The following ICA1 variants were observed in gnomAD, a reference collection of about 807,000 sequenced individuals.
ICA1 encodes the protein islet cell autoantigen 1.
ICA1 carries 40 observed loss-of-function variants against 71.0 expected under a neutral mutation model. The ratio of observed to expected loss-of-function variants is 0.56; its 90% CI spans 0.44 to 0.73. The LOEUF is 0.73. Ranked by LOEUF, ICA1 falls within the 30% of genes least tolerant of loss-of-function variation. ICA1 has a pLI of 0.00. For missense variants in ICA1, 578 were observed against 576.5 expected (o/e 1.00, Z -0.03); for synonymous variants, 207 against 209.5 (o/e 0.99, Z 0.10).
intron 6 of ICA1, among the ~76,000 whole-genome samples, chr7:8,194,639 G>A (rs1786797346): frequency 1.3e-5 from 2 of 152,114 alleles, no homozygotes; most frequent in South Asian, 4.1e-4. Context: ...TCTAAAATAC[G>A]GGCAAAGGTT....
At chr7:8,155,068 A>T (rs1801016024) in intron 8 of ICA1, among the ~76,000 whole-genome samples, 1 of 152,232 alleles carries the variant, frequency 6.6e-6, no homozygotes, top group Non-Finnish European at 1.5e-5. Context: ...CATCATTGAA[A>T]GCCTAGATGA....
chr7:8,128,112 T>G lies in ICA1; in HGVS notation c.1091A>C (p.Glu364Ala), dbSNP rs369620396. Residue 364 changes from glutamate (E) to alanine (A), a missense_variant, in exon 13 of 14, where the codon GAA becomes GCA. Coordinates refer to ENST00000402384, the MANE Select transcript of ICA1 (RefSeq NM_001136020.3). Reference protein sequence around the residue: ...ACLGPVAGTPEPEGADKDDLL... With the variant: ...ACLGPVAGTPAPEGADKDDLL... ...GTCATCTTTGTCAGCACCTTCAGGT[T>G]CCGGGGTCCCTGCCACTGGTCCCAG... The G allele has an allele frequency of 2.0e-5, 33 of 1,614,078 alleles. No individual in the cohort carries two copies. Among genetic ancestry groups the G allele is most frequent in the Non-Finnish European group, 2.7e-5 (32 of 1,180,024 alleles).
In ICA1 at chr7:8,124,125, T is replaced by TC. The variant is rs1180901731; in HGVS notation, c.1330+3747_1330+3748insG. 8.3e-5 allele frequency among the ~76,000 whole-genome samples: 12 copies of TC among 144,372 alleles called. No individual in the cohort carries two copies. In the East Asian group the frequency reaches 2.4e-3, roughly 29 times the overall value. The allele number at this position is 144,372 out of a possible 152,430, so 94.7% of individuals were successfully genotyped here. ...TGAATCATACAATTTTTTTTTTTTT[T>TC]TTTTTTTTTTTTTGAGACGGAGTCT... On this transcript the variant is annotated intron_variant, in intron 13 of 13. Coordinates refer to ENST00000402384, the MANE Select transcript of ICA1 (RefSeq NM_001136020.3).
intron 8 of ICA1, among the ~76,000 whole-genome samples, chr7:8,153,368 T>C (rs545433330): frequency 6.6e-6 from 1 of 152,284 alleles, no homozygotes; most frequent in African/African-American, 2.4e-5. Flanking sequence ...TGTCCACTGC[T>C]GCGAGGGGCC....
At chr7:8,182,100 A>G (rs888877027) in intron 6 of ICA1, among the ~76,000 whole-genome samples, 9 of 152,116 alleles carry the variant, frequency 5.9e-5, no homozygotes, top group Admixed American at 2.0e-4. Flanking sequence ...CATATCCTAC[A>G]ACTCTGCCAG....
intron 8 of ICA1, among the ~76,000 whole-genome samples, chr7:8,148,395 C>G (rs1412892462): frequency 6.6e-6 from 1 of 152,006 alleles, no homozygotes; most frequent in Non-Finnish European, 1.5e-5. Flanking sequence ...TAAAGAATTA[C>G]CTTACCTTTT....
At chr7:8,197,978 G>A (rs534827803) in intron 6 of ICA1, among the ~76,000 whole-genome samples, 1 of 152,168 alleles carries the variant, frequency 6.6e-6, no homozygotes, top group Admixed American at 6.6e-5. Flanking sequence ...TTTATCAGAA[G>A]AGTATTCCCT....
intron 6 of ICA1, among the ~76,000 whole-genome samples, chr7:8,179,940 A>G (rs1448465944): frequency 2.0e-5 from 3 of 152,048 alleles, no homozygotes; most frequent in African/African-American, 7.2e-5. Context: ...ACTTTATTCT[A>G]TGCTTTTTTT....
At chr7:8,194,688 A>C (rs1221830971) in intron 6 of ICA1, among the ~76,000 whole-genome samples, 1 of 152,218 alleles carries the variant, frequency 6.6e-6, no homozygotes, top group Non-Finnish European at 1.5e-5. Context: ...ATTTGCTCAC[A>C]AATGTAAGCA....
At chr7:8,152,428 C>A (rs925441300) in intron 8 of ICA1, among the ~76,000 whole-genome samples, 1 of 151,906 alleles carries the variant, frequency 6.6e-6, no homozygotes, top group Non-Finnish European at 1.5e-5. Context: ...TTACTGGAGC[C>A]TTTACCGTGG....
At chr7:8,236,312 T>G (rs1287704400) in intron 1 of ICA1, among the ~76,000 whole-genome samples, 1 of 152,210 alleles carries the variant, frequency 6.6e-6, no homozygotes, top group East Asian at 1.9e-4. Flanking sequence ...TATATGTTGT[T>G]GAGGTATACA....
At chr7:8,143,380 T>C (rs1795855719) in intron 9 of ICA1, among the ~76,000 whole-genome samples, 1 of 152,222 alleles carries the variant, frequency 6.6e-6, no homozygotes, top group Admixed American at 6.5e-5. Flanking sequence ...ACATTCTGCA[T>C]GGTAGAAAAC....
chr7:8,196,988 C>A (rs914466835), intron 6 of ICA1, among the ~76,000 whole-genome samples: 1 of 152,066 alleles, frequency 6.6e-6, no homozygotes, highest in Non-Finnish European at 1.5e-5. Flanking sequence ...GCCTCCCCAG[C>A]CATGTGCAAC....
At chr7:8,156,648 T>C in intron 8 of ICA1, 2 of 546,662 alleles carry the variant, frequency 3.7e-6, no homozygotes, top group Non-Finnish European at 5.9e-6. Flanking sequence ...TGTTGGATAA[T>C]ACTCTCAGAA....
Position 8,175,997 on chromosome 7 carries a change from G to C in ICA1, c.580-17345C>G, listed in dbSNP as rs567838218. On this transcript the variant is annotated intron_variant, in intron 6 of 13. Coordinates refer to ENST00000402384, the MANE Select transcript of ICA1 (RefSeq NM_001136020.3). The stretch of plus-strand genomic sequence containing the variant: ...AAAAAGGAAGTGAACACTTATGGAG[G>C]GCCTCCTGTTTTACAACTGTTTCAT... 5.5e-4 allele frequency among the ~76,000 whole-genome samples: 84 copies of C among 152,244 alleles called. 1 individual carries two copies. In the Middle Eastern group the frequency reaches 0.027, roughly 49 times the overall value.
intron 6 of ICA1, 136 bp downstream of exon 6, chr7:8,218,169 C>T: frequency 1.4e-6 from 1 of 719,836 alleles, no homozygotes; most frequent in Non-Finnish European, 2.4e-6. Flanking sequence ...TATTCTGTCA[C>T]ATAAAAAGAC....
intron 1 of ICA1, among the ~76,000 whole-genome samples, chr7:8,241,279 G>T (rs1803773158): frequency 6.6e-6 from 1 of 152,182 alleles, no homozygotes; most frequent in Non-Finnish European, 1.5e-5. Context: ...TTAAAGAAAA[G>T]AATTTTCAAT....
Position 8,158,603 on chromosome 7 carries a change from A to G in ICA1, c.629T>C (p.Met210Thr), listed in dbSNP as rs781302996. ...LAKKNFDKLKMDVCQKVDLLG... is the reference protein window; with the variant it reads ...LAKKNFDKLKTDVCQKVDLLG... ...AAGATCCACTTTTTGACAAACATCC[A>G]TCTTCAATTTGTCAAAGTTTTTTTT... Residue 210 changes from methionine (M) to threonine (T), a missense_variant, in exon 7 of 14, where the codon ATG (methionine) becomes ACG (threonine). By Grantham distance (81) the Met-to-Thr change is moderately conservative (BLOSUM62 -1). Transcript: ENST00000402384. 5.0e-6 allele frequency: 8 copies of G among 1,614,112 alleles called. No homozygotes were observed. The highest frequency in any genetic ancestry group is 5.9e-6 in the Non-Finnish European group (7 of 1,179,966).
At chr7:8,168,533 T>C (rs1170877246) in intron 6 of ICA1, among the ~76,000 whole-genome samples, 1 of 152,106 alleles carries the variant, frequency 6.6e-6, no homozygotes, top group African/African-American at 2.4e-5. Flanking sequence ...CTGACAGTAT[T>C]CTGAGATGTG....
Sources: allele counts gnomAD v4.1 joint callset (sites outside exome capture counted in the v4.1 genomes callset), GRCh38; gene constraint gnomAD v4.1.1; transcripts MANE v1.5; gene names NCBI Gene and HGNC (gene_info 2026-07-23, HGNC 2026-07-21).